LIPN: variants seen among roughly 807,000 people sequenced by gnomAD.
LIPN encodes lipase member N.
A neutral mutation model predicts 43.7 loss-of-function variants in LIPN; 32 were observed. The observed-to-expected ratio is 0.73, with a 90% CI of 0.55 to 0.98. LIPN has a LOEUF of 0.98. Among genes scored for constraint, LIPN ranks in the 50% least tolerant of loss-of-function variants. LIPN has a pLI of 0.00. For synonymous variants in LIPN, 156 were observed against 157.6 expected (o/e 0.99, Z 0.08); for missense variants, 505 against 483.8 (o/e 1.04, Z -0.41).
intron 9 of LIPN, among the ~76,000 whole-genome samples, chr10:88,776,915 T>G (rs1356195846): frequency 1.3e-5 from 2 of 152,156 alleles, no homozygotes; most frequent in East Asian, 3.9e-4. Context: ...CACTTCCCCT[T>G]CCTTCCTGCC....
upstream of LIPN, among the ~76,000 whole-genome samples, chr10:88,759,408 A>G (rs1590170310): frequency 6.6e-6 from 1 of 152,156 alleles, no homozygotes; most frequent in Non-Finnish European, 1.5e-5. Flanking sequence ...CTGGTATCTC[A>G]TGTGGGGCTT....
At chr10:88,773,195 T>C (rs1264298497) in intron 7 of LIPN, among the ~76,000 whole-genome samples, 1 of 151,696 alleles carries the variant, frequency 6.6e-6, no homozygotes, top group Non-Finnish European at 1.5e-5. Context: ...CTGCTATACA[T>C]AGAAGATTAA....
In LIPN at chr10:88,774,121, A is replaced by G. The variant is rs188359597; in HGVS notation, c.820-352A>G. Among the ~76,000 whole-genome samples the G allele has an allele frequency of 1.4e-4, 21 of 152,170 alleles. 1 individual carries two copies. The highest frequency in any genetic ancestry group is 1.0e-3 in the Admixed American group (16 of 15,258). ...CTGGTTTTCTGATTTAATCTGTGAC[A>G]GTGCACCTGGGTGCGCATGCATGCA... is the stretch of plus-strand genomic sequence containing the variant. On this transcript the variant is annotated intron_variant, in intron 7 of 9. Coordinates refer to ENST00000404459, the MANE Select transcript of LIPN (RefSeq NM_001102469.2).
rs1280736291 is a variant in LIPN at position 88,766,272 on chromosome 10, T to C, written c.429T>C (p.Phe143=). 12 of 1,561,216 alleles carry C rather than the reference T, an allele frequency of 7.7e-6. No individual in the cohort carries two copies. The South Asian group carries it at 1.2e-4, about 16-fold the overall frequency. The change falls in exon 5 of 10, where the codon TTT becomes TTC. Residue 143 remains phenylalanine, a synonymous_variant. Coordinates refer to ENST00000404459, the MANE Select transcript of LIPN (RefSeq NM_001102469.2). ...AAGCCCCTGTTTTATTTTGCAGTTT[T>C]GATGAAATGGCCAAATATGATCTCC... ...ETDEKFWAFS[F]DEMAKYDLPG... is the part of the protein sequence containing the mutation.
chr10:88,764,542 G>T lies in LIPN; in HGVS notation c.359G>T (p.Arg120Leu), dbSNP rs540908678. The T allele has an allele frequency of 1.2e-6, 2 of 1,611,668 alleles. No homozygotes were observed. The highest frequency in any genetic ancestry group is 1.7e-5 in the Admixed American group (1 of 59,724). Residue 120 changes from arginine (R) to leucine (L), a missense_variant, in exon 4 of 10, where the codon CGG becomes CTG. Arg to Leu is a moderately radical substitution (Grantham distance 102). Transcript: ENST00000404459. ...TATGATGTATGGATGGGAAACAGTC[G>T]GGGAAACACTTGGTCAAGAAGACAC... ...AGYDVWMGNS[R>L]GNTWSRRHKT...
intron 3 of LIPN, among the ~76,000 whole-genome samples, chr10:88,764,165 T>C (rs1843048748): frequency 6.6e-6 from 1 of 151,990 alleles, no homozygotes; most frequent in Non-Finnish European, 1.5e-5. Context: ...AGTAAGCTAA[T>C]ACATATAAAT....
chr10:88,773,380 T>C (rs1564584661), intron 7 of LIPN, among the ~76,000 whole-genome samples: 2 of 151,922 alleles, frequency 1.3e-5, no homozygotes, highest in African/African-American at 4.8e-5. Flanking sequence ...TTTGAATATA[T>C]TGGATTAAAA....
At chr10:88,773,539 A>G (rs919942134) in intron 7 of LIPN, among the ~76,000 whole-genome samples, 1 of 151,844 alleles carries the variant, frequency 6.6e-6, no homozygotes, top group Non-Finnish European at 1.5e-5. Context: ...TTTATGAAGA[A>G]GCAGCAGTCC....
At chr10:88,761,346 A>G (rs1388534264) in intron 1 of LIPN, 52 bp from the exon 2 acceptor site, 1 of 1,035,286 alleles carries the variant, frequency 9.7e-7, no homozygotes, top group Non-Finnish European at 1.5e-6. Context: ...TATTTCATTA[A>G]TCAACATTGA....
chr10:88,772,768 C>G (rs1216937049), intron 7 of LIPN, among the ~76,000 whole-genome samples: 1 of 150,768 alleles, frequency 6.6e-6, no homozygotes, highest in Non-Finnish European at 1.5e-5. Context: ...CCTGCTAGAA[C>G]TGATAAACAA....
intron 2 of LIPN, among the ~76,000 whole-genome samples, chr10:88,761,981 C>T (rs1843008801): frequency 6.6e-6 from 1 of 151,880 alleles, no homozygotes; most frequent in African/African-American, 2.4e-5. Context: ...AAATTTTCCC[C>T]CAACCCCCCA....
At chr10:88,771,246 T>C (rs1433239367) in intron 7 of LIPN, among the ~76,000 whole-genome samples, 1 of 151,842 alleles carries the variant, frequency 6.6e-6, no homozygotes, top group East Asian at 1.9e-4. Flanking sequence ...ACCTCAAGCA[T>C]TTATCATTTC....
At chr10:88,770,721 T>G (rs1312371321) in intron 6 of LIPN, 124 bp from the exon 7 acceptor site, 1 of 561,514 alleles carries the variant, frequency 1.8e-6, no homozygotes, top group Non-Finnish European at 3.1e-6. Flanking sequence ...CTATTTGGGC[T>G]TGTTGTCCTT....
At position 88,778,582 on chromosome 10, in the gene LIPN, G is replaced by A. The variant is rs552121806; in HGVS notation, c.*340G>A. Among the ~76,000 whole-genome samples, 3 of 152,246 alleles carry A rather than the reference G, an allele frequency of 2.0e-5. No individual in the cohort carries two copies. Among genetic ancestry groups the A allele is most frequent in the African/African-American group, 7.2e-5 (3 of 41,564 alleles). On this transcript the variant is annotated 3_prime_UTR_variant, in exon 10 of 10. Transcript: ENST00000404459. ...AAAGGAACAGTGAAATTCCTTTAAG[G>A]TCCTATATGGAAACCTCTGTTGTCA...
chr10:88,771,527 G>T (rs1843209414), intron 7 of LIPN, among the ~76,000 whole-genome samples: 2 of 150,632 alleles, frequency 1.3e-5, no homozygotes, highest in African/African-American at 4.9e-5. Flanking sequence ...TTGTCTTTTT[G>T]TGCCTGGCTT....
chr10:88,762,433 T>C lies in LIPN; in HGVS notation c.226+128T>C. 3 of 641,180 alleles carry C rather than the reference T, an allele frequency of 4.7e-6. No homozygotes were observed. The Admixed American group carries it at 7.2e-5, about 15-fold the overall frequency. The allele number at this position is 641,180 out of a possible 1,614,324, so 39.7% of individuals were successfully genotyped here. ...TTGAATTATTGGATTAGTCTTTAAA[T>C]AGTTATCAGGGAGGCTCACTCTTTG... On this transcript the variant is annotated intron_variant, in intron 3 of 9. Transcript: ENST00000404459.
chr10:88,762,122 T>C, intron 2 of LIPN, 66 bp from the exon 3 acceptor site: 1 of 789,126 alleles, frequency 1.3e-6, no homozygotes, highest in Non-Finnish European at 2.2e-6. Flanking sequence ...CAACAGATGG[T>C]TTGTTTTGAT....
At chr10:88,770,743 T>A in intron 6 of LIPN, 102 bp from the exon 7 acceptor site, 1 of 652,818 alleles carries the variant, frequency 1.5e-6, no homozygotes, top group Non-Finnish European at 2.5e-6. Flanking sequence ...TTGTTGCTAT[T>A]GAGTTGAGCT....
intron 2 of LIPN, among the ~76,000 whole-genome samples, chr10:88,761,733 A>G (rs1447878991): frequency 1.1e-5 from 1 of 91,248 alleles, no homozygotes; most frequent in Non-Finnish European, 2.0e-5. Context: ...CTATCTATCT[A>G]TCTATCTATC....
Sources: gnomAD v4.1 joint callset for allele counts (sites outside exome capture counted in the v4.1 genomes callset) on GRCh38, gnomAD v4.1.1 for gene constraint, MANE v1.5 for transcripts, NCBI Gene and HGNC (gene_info 2026-07-23, HGNC 2026-07-21) for gene names.